The following CNTNAP2 variants were observed in gnomAD, a reference collection of about 807,000 sequenced individuals.
CNTNAP2 encodes contactin associated protein 2.
CNTNAP2 carries 98 observed loss-of-function variants against 155.2 expected under a neutral mutation model. The ratio of observed to expected loss-of-function variants is 0.63; its 90% confidence interval spans 0.54 to 0.75. The LOEUF (loss-of-function observed/expected upper bound fraction) is 0.75, where lower values mean the gene tolerates loss of function less well. Among genes scored for constraint, CNTNAP2 ranks in the 30% least tolerant of loss-of-function variants. The pLI is 0.00. For missense variants in CNTNAP2, 1,727 were observed against 1,688.1 expected (o/e 1.02, Z -0.40); for synonymous variants, 651 against 631.2 (o/e 1.03, Z -0.47).
intron 13 of CNTNAP2, among the ~76,000 whole-genome samples, chr7:147,771,415 C>A (rs1392713272): frequency 6.6e-6 from 1 of 152,172 alleles, no homozygotes; most frequent in Non-Finnish European, 1.5e-5. Context: ...ACATATAACT[C>A]TGACAAAGAA....
At chr7:148,019,263 C>G (rs1802235570) in intron 15 of CNTNAP2, among the ~76,000 whole-genome samples, 1 of 152,180 alleles carries the variant, frequency 6.6e-6, no homozygotes, top group Non-Finnish European at 1.5e-5. Flanking sequence ...GAGGGGACCT[C>G]CTAGCATCAG....
intron 3 of CNTNAP2, among the ~76,000 whole-genome samples, chr7:147,041,380 T>C (rs1448828511): frequency 6.6e-6 from 1 of 152,200 alleles, no homozygotes; most frequent in Non-Finnish European, 1.5e-5. Context: ...AAAAGTATTT[T>C]TTTTAAGTCC....
intron 4 of CNTNAP2, among the ~76,000 whole-genome samples, chr7:147,077,473 T>G (rs1450252830): frequency 6.6e-6 from 1 of 152,194 alleles, no homozygotes; most frequent in East Asian, 1.9e-4. Context: ...CGTTTCATAT[T>G]CTTAGGTAGA....
intron 1 of CNTNAP2, among the ~76,000 whole-genome samples, chr7:146,379,106 G>C (rs1563061351): frequency 6.6e-6 from 1 of 152,152 alleles, no homozygotes; most frequent in African/African-American, 2.4e-5. Flanking sequence ...CCTATCTTGA[G>C]CCTGTGCCTC....
chr7:148,144,377 T>C (rs1210792257), intron 16 of CNTNAP2, among the ~76,000 whole-genome samples: 6 of 152,206 alleles, frequency 3.9e-5, no homozygotes, highest in East Asian at 1.9e-4. Flanking sequence ...AGCAAACTTA[T>C]TGCATGTGCA....
At chr7:147,746,103 A>G (rs894312505) in intron 13 of CNTNAP2, among the ~76,000 whole-genome samples, 2 of 152,244 alleles carry the variant, frequency 1.3e-5, no homozygotes, top group Non-Finnish European at 2.9e-5. Flanking sequence ...TGAAGTGCAT[A>G]TCTTGCACAT....
At chr7:147,468,495 C>T (rs1798158360) in intron 10 of CNTNAP2, among the ~76,000 whole-genome samples, 2 of 152,112 alleles carry the variant, frequency 1.3e-5, no homozygotes, top group Non-Finnish European at 2.9e-5. Flanking sequence ...GGTAACGGGA[C>T]TTATGTTAAA....
intron 20 of CNTNAP2, among the ~76,000 whole-genome samples, chr7:148,253,363 A>G (rs770792097): frequency 7.9e-5 from 12 of 152,214 alleles, no homozygotes; most frequent in Non-Finnish European, 7.3e-5. Flanking sequence ...CTACTGTACC[A>G]TGATGACACT....
At chr7:147,132,943 G>T (rs1801406841) in intron 8 of CNTNAP2, among the ~76,000 whole-genome samples, 1 of 151,990 alleles carries the variant, frequency 6.6e-6, no homozygotes, top group Non-Finnish European at 1.5e-5. Flanking sequence ...ATATTCCACT[G>T]CTGGAATCAG....
intron 1 of CNTNAP2, among the ~76,000 whole-genome samples, chr7:146,530,308 A>C (rs2129139051): frequency 6.6e-6 from 1 of 152,328 alleles, no homozygotes; most frequent in Middle Eastern, 3.4e-3. Context: ...ACCATTCTGG[A>C]CATAGGACCT....
rs1804795103 is a variant in CNTNAP2, at chr7:148,129,874, T to A, written c.2554+11586T>A. Among the ~76,000 whole-genome samples, 4 of 152,204 alleles carry A rather than the reference T, an allele frequency of 2.6e-5. 1 individual carries two copies. In the South Asian group the frequency reaches 8.3e-4, roughly 31 times the overall value. The stretch of plus-strand genomic sequence containing the variant: ...TCACAGCCAAGCAGCACCTTAACTT[T>A]TCATGCCAGGGTTCTCAGTTCTCCT... On this transcript the variant is annotated intron_variant, in intron 16 of 23. Transcript: ENST00000361727.
At chr7:146,270,153 T>A (rs1800057865) in intron 1 of CNTNAP2, among the ~76,000 whole-genome samples, 1 of 152,196 alleles carries the variant, frequency 6.6e-6, no homozygotes, top group African/African-American at 2.4e-5. Flanking sequence ...TATTTTTAAA[T>A]TAGGAGTCTA....
chr7:147,670,418 C>T (rs1421349981), intron 13 of CNTNAP2, among the ~76,000 whole-genome samples: 1 of 152,130 alleles, frequency 6.6e-6, no homozygotes, highest in Non-Finnish European at 1.5e-5. Context: ...GGAACACAGT[C>T]CAAAGTGAGA....
intron 13 of CNTNAP2, among the ~76,000 whole-genome samples, chr7:147,739,296 G>A (rs1005176686): frequency 1.3e-5 from 2 of 152,090 alleles, no homozygotes; most frequent in African/African-American, 4.8e-5. Context: ...GTGTGTTTGT[G>A]TGTGTTCACT....
At chr7:148,223,752 G>T (rs1795792314) in intron 19 of CNTNAP2, among the ~76,000 whole-genome samples, 1 of 152,094 alleles carries the variant, frequency 6.6e-6, no homozygotes, top group South Asian at 2.1e-4. Context: ...AATAATTTCT[G>T]CTGCCATTAA....
intron 3 of CNTNAP2, among the ~76,000 whole-genome samples, chr7:146,990,507 G>T (rs1798191044): frequency 6.6e-6 from 1 of 151,912 alleles, no homozygotes; most frequent in African/African-American, 2.4e-5. Context: ...AGTTGTTTTG[G>T]TTTTAAGATT....
At chr7:146,914,970 G>T (rs183566184) in intron 3 of CNTNAP2, among the ~76,000 whole-genome samples, 5 of 151,958 alleles carry the variant, frequency 3.3e-5, no homozygotes, top group Admixed American at 3.3e-4. Context: ...TTAGGTTTTT[G>T]ATCCATCTTG....
intron 1 of CNTNAP2, among the ~76,000 whole-genome samples, chr7:146,615,057 G>T (rs1799202320): frequency 6.6e-6 from 1 of 152,124 alleles, no homozygotes; most frequent in Non-Finnish European, 1.5e-5. Context: ...TGGTGATTTG[G>T]GGGAAGGAGA....
chr7:146,641,302 A>T (rs1449049803), intron 1 of CNTNAP2, among the ~76,000 whole-genome samples: 1 of 152,192 alleles, frequency 6.6e-6, no homozygotes, highest in African/African-American at 2.4e-5. Context: ...CTCCAGCCTG[A>T]GGAACAGAGC....
Sources: gnomAD v4.1 joint callset for allele counts (sites outside exome capture counted in the v4.1 genomes callset) on GRCh38, gnomAD v4.1.1 for gene constraint, MANE v1.5 for transcripts, NCBI Gene and HGNC (gene_info 2026-07-23, HGNC 2026-07-21) for gene names.